SYNDIG1: variants seen among roughly 807,000 people sequenced by gnomAD.
SYNDIG1 encodes the protein synapse differentiation inducing 1, also known as synapse differentiation-inducing gene protein 1.
In SYNDIG1, 9 loss-of-function variants were observed where a neutral mutation model predicts 19.4. The ratio of observed to expected loss-of-function variants is 0.46; its 90% CI spans 0.28 to 0.81. SYNDIG1 has a LOEUF of 0.81. Ranked by LOEUF, SYNDIG1 falls within the 30% of genes least tolerant of loss-of-function variation. The pLI is 0.12. For synonymous variants in SYNDIG1, 141 were observed against 145.9 expected (o/e 0.97, Z 0.24); for missense variants, 311 against 343.3 (o/e 0.91, Z 0.74).
At chr20:24,607,602 T>G (rs1332220695) in intron 3 of SYNDIG1, among the ~76,000 whole-genome samples, 1 of 152,086 alleles carries the variant, frequency 6.6e-6, no homozygotes, top group Non-Finnish European at 1.5e-5. Context: ...ATGGGCCACA[T>G]TCACAGTGGA....
At chr20:24,625,324 A>G (rs1252413823) in intron 3 of SYNDIG1, among the ~76,000 whole-genome samples, 1 of 152,036 alleles carries the variant, frequency 6.6e-6, no homozygotes, top group African/African-American at 2.4e-5. Context: ...GGAGATAAAG[A>G]CAACACAAAT....
chr20:24,477,884 G>C (rs888137243), intron 1 of SYNDIG1, among the ~76,000 whole-genome samples: 2 of 152,172 alleles, frequency 1.3e-5, no homozygotes, highest in African/African-American at 4.8e-5. Context: ...ACTTCTACAC[G>C]GTTATAGATA....
At chr20:24,661,312 AAGGG>A in intron 3 of SYNDIG1, among the ~76,000 whole-genome samples, 1 of 114,262 alleles carries the variant, frequency 8.8e-6, no homozygotes, top group South Asian at 3.4e-4. Flanking sequence ...GGAGGGAGGA[AAGGG>A]GAGGGAGGGA....
chr20:24,494,697 A>AC, intron 1 of SYNDIG1, among the ~76,000 whole-genome samples: 1 of 152,092 alleles, frequency 6.6e-6, no homozygotes, highest in Non-Finnish European at 1.5e-5. Flanking sequence ...CACCCTACTC[A>AC]CCCTGTCCCT....
rs766848667 is a variant in SYNDIG1 at position 24,543,387 on chromosome 20, G to T, written c.290G>T (p.Gly97Val). 6.2e-7 allele frequency: 1 copy of T among 1,613,674 alleles called. No individual in the cohort carries two copies. The highest frequency in any genetic ancestry group is 8.5e-7 in the Non-Finnish European group (1 of 1,180,034). Residue 97 changes from glycine (G) to valine (V), a missense_variant, in exon 2 of 4, where the codon GGC becomes GTC. By Grantham distance (109) the Gly-to-Val change is moderately radical (BLOSUM62 -3). Coordinates refer to ENST00000376862, the MANE Select transcript of SYNDIG1 (RefSeq NM_024893.3). ...CCCAACATCATCCTCTATTCAGAGG[G>T]CGTGCTGCGCTCCTGGGGGGACGGT... ...YRPNIILYSEGVLRSWGDGVA... is the reference protein window; with the variant it reads ...YRPNIILYSEVVLRSWGDGVA...
chr20:24,611,405 C>T (rs1184407590), intron 3 of SYNDIG1, among the ~76,000 whole-genome samples: 2 of 152,222 alleles, frequency 1.3e-5, no homozygotes, highest in African/African-American at 4.8e-5. Flanking sequence ...GCGAAGACTT[C>T]AGCGGTTCCT....
Position 24,512,569 on chromosome 20 carries a change from C to A in SYNDIG1, c.-78-30451C>A, listed in dbSNP as rs919968067. 2.0e-5 allele frequency among the ~76,000 whole-genome samples: 3 copies of A among 152,078 alleles called. No homozygotes were observed. The South Asian group carries it at 6.2e-4, about 32-fold the overall frequency. Reference sequence around the variant, plus strand: ...AGCACAGTAGTCTGAGATCAAACTGCAAGGCAGCAGCGAGGCTGGGGGAGG... The same window carrying A: ...AGCACAGTAGTCTGAGATCAAACTGAAAGGCAGCAGCGAGGCTGGGGGAGG... On this transcript the variant is annotated intron_variant, in intron 1 of 3. Transcript: ENST00000376862.
chr20:24,638,807 T>G (rs188883901), intron 3 of SYNDIG1, among the ~76,000 whole-genome samples: 42 of 152,386 alleles, frequency 2.8e-4, no homozygotes, highest in African/African-American at 9.4e-4. Flanking sequence ...TGAAAGTCTG[T>G]GCATGACTCA....
chr20:24,486,095 G>T (rs1198486583), intron 1 of SYNDIG1, among the ~76,000 whole-genome samples: 1 of 152,194 alleles, frequency 6.6e-6, no homozygotes, highest in Non-Finnish European at 1.5e-5. Context: ...GCCAGGGAGG[G>T]TCACCCCAGC....
chr20:24,550,395 A>G (rs1377072611), intron 2 of SYNDIG1, among the ~76,000 whole-genome samples: 3 of 152,076 alleles, frequency 2.0e-5, no homozygotes, highest in Non-Finnish European at 4.4e-5. Context: ...TGGTTTTTCT[A>G]GGGAGTTGCA....
chr20:24,559,248 A>G (rs547255916), intron 2 of SYNDIG1, among the ~76,000 whole-genome samples: 2 of 152,320 alleles, frequency 1.3e-5, no homozygotes, highest in Admixed American at 6.5e-5. Flanking sequence ...GCACAGGAAG[A>G]CAAACATCAC....
chr20:24,562,688 G>A (rs1314971745), intron 2 of SYNDIG1, among the ~76,000 whole-genome samples: 1 of 152,172 alleles, frequency 6.6e-6, no homozygotes, highest in Non-Finnish European at 1.5e-5. Context: ...TGTGTGTGCT[G>A]AGAAAAGAAA....
chr20:24,626,792 C>T (rs2059147046), intron 3 of SYNDIG1, among the ~76,000 whole-genome samples: 1 of 152,254 alleles, frequency 6.6e-6, no homozygotes. Context: ...CACCATTGAG[C>T]ACTGAGTTAA....
intron 2 of SYNDIG1, among the ~76,000 whole-genome samples, chr20:24,551,373 A>C (rs1568634097): frequency 1.3e-5 from 2 of 151,786 alleles, no homozygotes; most frequent in Non-Finnish European, 2.9e-5. Flanking sequence ...AAGTTTCTCT[A>C]TTTCTTTCTT....
chr20:24,577,680 A>G (rs1289478020), intron 2 of SYNDIG1, among the ~76,000 whole-genome samples: 1 of 152,200 alleles, frequency 6.6e-6, no homozygotes, highest in Non-Finnish European at 1.5e-5. Flanking sequence ...TCTTCTGCCT[A>G]CAGCTTTCCC....
intron 3 of SYNDIG1, among the ~76,000 whole-genome samples, chr20:24,651,313 G>A (rs17879983): frequency 0.2 from 29,773 of 152,062 alleles, 3,576 homozygotes; most frequent in East Asian, 0.46. Flanking sequence ...TGCTGATAAA[G>A]GCCACAAGAA....
At chr20:24,554,504 T>A (rs1300442599) in intron 2 of SYNDIG1, among the ~76,000 whole-genome samples, 4 of 152,240 alleles carry the variant, frequency 2.6e-5, no homozygotes, top group Non-Finnish European at 5.9e-5. Context: ...ATTGAGTGTT[T>A]TTAGCATGAA....
At chr20:24,606,253 C>G (rs979553219) in intron 3 of SYNDIG1, among the ~76,000 whole-genome samples, 1 of 152,266 alleles carries the variant, frequency 6.6e-6, no homozygotes, top group African/African-American at 2.4e-5. Context: ...AGTCTCAAAG[C>G]TCCACCTGTC....
intron 1 of SYNDIG1, among the ~76,000 whole-genome samples, chr20:24,538,669 A>G (rs1393513049): frequency 6.6e-6 from 1 of 152,178 alleles, no homozygotes; most frequent in African/African-American, 2.4e-5. Flanking sequence ...TATTTGAGGA[A>G]CTGCCATACT....
Sources: allele counts gnomAD v4.1 joint callset (sites outside exome capture counted in the v4.1 genomes callset), GRCh38; gene constraint gnomAD v4.1.1; transcripts MANE v1.5; gene names NCBI Gene and HGNC (gene_info 2026-07-23, HGNC 2026-07-21).